Variants in GPR141 observed in about 807,000 individuals in gnomAD.
GPR141 encodes probable G protein-coupled receptor 141.
GPR141 carries 6 observed loss-of-function variants against 6.8 expected under a neutral mutation model. The ratio of observed to expected loss-of-function variants is 0.88; its 90% CI spans 0.48 to 1.74. The LOEUF is 1.74. GPR141 is among the 40% of genes most tolerant of loss of function. The probability of loss-of-function intolerance (pLI) is 0.01; values close to 1 mark genes in which losing one functional copy is unlikely to be tolerated. For synonymous variants in GPR141, 140 were observed against 142.3 expected, an observed-to-expected ratio of 0.98 and a Z score of 0.11; for missense variants, 372 against 372.9, an observed-to-expected ratio of 1.00 and a Z score of 0.02.
chr7:37,740,666 G>A lies in GPR141; in HGVS notation c.273G>A (p.Val91=), dbSNP rs766673380. 1.2e-6 allele frequency: 2 copies of A among 1,613,966 alleles called. No homozygotes were observed. The highest frequency in any genetic ancestry group is 1.7e-6 in the Non-Finnish European group (2 of 1,180,004). Reference sequence around the variant, plus strand: ...TTGGGCTGCCCTTCTGCAAATTTGTGAGTGCCATGCTGCACATCCACATGT... The same window carrying A: ...TTGGGCTGCCCTTCTGCAAATTTGTAAGTGCCATGCTGCACATCCACATGT... ...WMFGLPFCKF[V]SAMLHIHMYL... Residue 91 remains valine (V), a synonymous_variant, in exon 3 of 3, where the codon GTG becomes GTA. Transcript: ENST00000334425.
intron 2 of GPR141, among the ~76,000 whole-genome samples, chr7:37,689,286 A>G (rs1045043530): frequency 2.0e-4 from 31 of 152,094 alleles, no homozygotes; most frequent in African/African-American, 7.2e-4. Context: ...GCCAGATTCC[A>G]TTTACTAGTA....
chr7:37,692,360 T>C (rs1011372797), intron 2 of GPR141, among the ~76,000 whole-genome samples: 5 of 152,320 alleles, frequency 3.3e-5, no homozygotes, highest in Admixed American at 6.5e-5. Flanking sequence ...TATTCCATGG[T>C]GTATATGTGC....
intron 2 of GPR141, among the ~76,000 whole-genome samples, chr7:37,733,682 AAAAAAAG>A (rs1257881645): frequency 6.6e-5 from 10 of 151,490 alleles, no homozygotes; most frequent in East Asian, 1.9e-4. Flanking sequence ...AAAAAAAAAA[AAAAAAAG>A]AAAAAAGAAA....
In GPR141 at chr7:37,741,944, G is replaced by A. The variant is rs1184430667; in HGVS notation, c.*633G>A. 2.6e-5 allele frequency among the ~76,000 whole-genome samples: 4 copies of A among 152,154 alleles called. No homozygotes were observed. The South Asian group carries it at 8.3e-4, about 32-fold the overall frequency. On this transcript the variant is annotated 3_prime_UTR_variant, in exon 3 of 3. Coordinates refer to ENST00000334425, the MANE Select transcript of GPR141 (RefSeq NM_001381946.1). ...GGTTTCTAGATTTGTCCTGTGAAAG[G>A]TCGTTTAAGGACTTGGGGATCAACT...
chr7:37,737,386 A>G (rs903914588), intron 2 of GPR141, among the ~76,000 whole-genome samples: 1 of 152,148 alleles, frequency 6.6e-6, no homozygotes, highest in African/African-American at 2.4e-5. Flanking sequence ...GTAATATATC[A>G]TGTTAGTATT....
Position 37,737,303 on chromosome 7 carries a change from A to T in GPR141, c.-14-3077A>T, listed in dbSNP as rs929272098. The stretch of plus-strand genomic sequence containing the variant: ...CTGGATCCTGTTTCTTTGATACAGT[A>T]TAACAACCTTTATTTTTTAATTGGA... On this transcript the variant is annotated intron_variant, in intron 2 of 2. Transcript: ENST00000334425. 2.6e-5 allele frequency among the ~76,000 whole-genome samples: 4 copies of T among 152,238 alleles called. No individual in the cohort carries two copies. In the East Asian group the frequency reaches 7.7e-4, roughly 29 times the overall value.
Position 37,741,856 on chromosome 7 carries a change from G to A in GPR141, c.*545G>A, listed in dbSNP as rs1812581712. ...AATTTTTCTAGGGTATCATAACTCTGGTAGGAAGTCATCTGTCTAGAAATC... is the reference window on the plus strand; with the variant it reads ...AATTTTTCTAGGGTATCATAACTCTAGTAGGAAGTCATCTGTCTAGAAATC... On this transcript the variant is annotated 3_prime_UTR_variant, in exon 3 of 3. Coordinates refer to ENST00000334425, the MANE Select transcript of GPR141 (RefSeq NM_001381946.1). Among the ~76,000 whole-genome samples the A allele has an allele frequency of 6.6e-6, 1 of 152,130 alleles. No homozygotes were observed.
At chr7:37,737,756 A>G (rs998585861) in intron 2 of GPR141, among the ~76,000 whole-genome samples, 21 of 152,120 alleles carry the variant, frequency 1.4e-4, no homozygotes, top group Admixed American at 6.6e-5. Flanking sequence ...AAGTTTTGCA[A>G]TAGTGCAACA....
intron 2 of GPR141, among the ~76,000 whole-genome samples, chr7:37,693,326 T>G (rs1809869339): frequency 6.6e-6 from 1 of 152,196 alleles, no homozygotes; most frequent in Admixed American, 6.5e-5. Context: ...TATGCGGCAT[T>G]ATTTCTGAGG....
rs1236984307 is a variant in GPR141 at position 37,696,560 on chromosome 7, C to G, written c.-15+10977C>G. Among the ~76,000 whole-genome samples, 5 of 151,908 alleles carry G rather than the reference C, an allele frequency of 3.3e-5. No homozygotes were observed. The Admixed American group carries it at 3.3e-4, about 10-fold the overall frequency. Reference sequence around the variant, plus strand: ...ATTTTCCTCAGCGCGACTTGTTATTCAGCCCAGCACAAGGACCACTGATGT... The same window carrying G: ...ATTTTCCTCAGCGCGACTTGTTATTGAGCCCAGCACAAGGACCACTGATGT... On this transcript the variant is annotated intron_variant, in intron 2 of 2. Transcript: ENST00000334425.
At chr7:37,720,000 T>A (rs1211184863) in intron 2 of GPR141, among the ~76,000 whole-genome samples, 1 of 152,176 alleles carries the variant, frequency 6.6e-6, no homozygotes, top group African/African-American at 2.4e-5. Context: ...AGGGCCAGCC[T>A]GGAACCAGCC....
intron 2 of GPR141, among the ~76,000 whole-genome samples, chr7:37,738,571 A>G (rs904218438): frequency 2.0e-5 from 3 of 152,352 alleles, no homozygotes; most frequent in Non-Finnish European, 4.4e-5. Flanking sequence ...AATCATGTTC[A>G]GTTAAGTGAG....
intron 2 of GPR141, among the ~76,000 whole-genome samples, chr7:37,699,614 A>G (rs576605210): frequency 1.2e-3 from 178 of 152,222 alleles, no homozygotes; most frequent in Non-Finnish European, 2.2e-3. Flanking sequence ...AACTTTATTT[A>G]TAAAATCAGG....
intron 2 of GPR141, among the ~76,000 whole-genome samples, chr7:37,702,155 G>A (rs1471932091): frequency 6.6e-6 from 1 of 152,010 alleles, no homozygotes; most frequent in Admixed American, 6.5e-5. Flanking sequence ...GGCCTTCTAA[G>A]TAATTTTTAG....
At chr7:37,683,945 G>A (rs1197048412) in intron 1 of GPR141, 42 bp downstream of exon 1, 1 of 150,110 alleles carries the variant, frequency 6.7e-6, no homozygotes, top group Non-Finnish European at 1.5e-5. Flanking sequence ...ATGAATGAAA[G>A]TGCTATAGAA....
chr7:37,728,693 A>G (rs1811758780), intron 2 of GPR141, among the ~76,000 whole-genome samples: 1 of 151,820 alleles, frequency 6.6e-6, no homozygotes, highest in Non-Finnish European at 1.5e-5. Flanking sequence ...ATAAGATACA[A>G]GGGAATAGCC....
intron 2 of GPR141, among the ~76,000 whole-genome samples, chr7:37,691,288 C>CTTTTTTTT (rs1562764892): frequency 7.9e-5 from 5 of 63,084 alleles, no homozygotes; most frequent in Admixed American, 2.9e-4. Context: ...AGTCTATATC[C>CTTTTTTTT]TTTTTTTTTT....
chr7:37,730,636 T>C (rs548001199), intron 2 of GPR141, among the ~76,000 whole-genome samples: 4 of 152,308 alleles, frequency 2.6e-5, no homozygotes, highest in Admixed American at 2.0e-4. Context: ...CTGGCTTGCT[T>C]GTTCCAGGGT....
Position 37,740,594 on chromosome 7 carries a change from G to C in GPR141, c.201G>C (p.Leu67=), listed in dbSNP as rs756451680. ...TGGTGGTCCACAGCGTTTTTCTGCT[G>C]ACAGTGCCATTTCGCTTGACCTACC... ...NLVVVHSVFL[L]TVPFRLTYLI... The change falls in exon 3 of 3, where the codon CTG becomes CTC. Residue 67 remains leucine, a synonymous_variant. Coordinates refer to ENST00000334425, the MANE Select transcript of GPR141 (RefSeq NM_001381946.1). 1.2e-6 allele frequency: 2 copies of C among 1,614,094 alleles called. No homozygotes were observed. The highest frequency in any genetic ancestry group is 1.7e-6 in the Non-Finnish European group (2 of 1,179,998).
Sources: allele counts gnomAD v4.1 joint callset (sites outside exome capture counted in the v4.1 genomes callset), GRCh38; gene constraint gnomAD v4.1.1; transcripts MANE v1.5; gene names NCBI Gene and HGNC (gene_info 2026-07-23, HGNC 2026-07-21).